EBF1: variants seen among roughly 807,000 people sequenced by gnomAD.
The protein encoded by EBF1 is EBF transcription factor 1.
Under a neutral mutation model 68.4 loss-of-function variants are expected in EBF1, and 10 were observed. The observed-to-expected ratio is 0.15, with a 90% CI of 0.09 to 0.25. The LOEUF is 0.25. EBF1 is among the 10% of genes least tolerant of loss of function. The pLI, the probability that EBF1 is intolerant of heterozygous loss-of-function variation, is 1.00. For synonymous variants in EBF1, 298 were observed against 299.8 expected (o/e 0.99, Z 0.06); for missense variants, 509 against 794.4 (o/e 0.64, Z 4.32).
In EBF1 at chr5:158,998,318, T is replaced by C. The variant is rs369323245; in HGVS notation, c.554+75078A>G. ...TGCAACCTCCTCGACAAGGCTTTCC[T>C]CCACCCTTCTCTAAAACTGCCCCTA... On this transcript the variant is annotated intron_variant, in intron 6 of 15. Transcript: ENST00000313708. 3.6e-3 allele frequency among the ~76,000 whole-genome samples: 553 copies of C among 152,240 alleles called. 3 individuals carry two copies. Among genetic ancestry groups the C allele is most frequent in the African/African-American group, 0.012 (506 of 41,528 alleles).
intron 9 of EBF1, among the ~76,000 whole-genome samples, chr5:158,781,746 T>C (rs1776486294): frequency 6.6e-6 from 1 of 152,182 alleles, no homozygotes; most frequent in Admixed American, 6.6e-5. Context: ...TCTTCTCTGC[T>C]TCTTCTCTTT....
At position 158,777,554 on chromosome 5, in the gene EBF1, T is replaced by A. The variant is rs765287237; in HGVS notation, c.910-15A>T. On this transcript the variant is annotated splice_polypyrimidine_tract_variant and intron_variant, in intron 9 of 15. Transcript: ENST00000313708. ...GGAGTGATCAACTGGAGGAGACATT[T>A]GGGGGGAAAAATTGTCATTGCAATA... 6.3e-7 allele frequency: 1 copy of A among 1,583,762 alleles called. No homozygotes were observed. Among genetic ancestry groups the A allele is most frequent in the Non-Finnish European group, 8.6e-7 (1 of 1,163,826 alleles).
At chr5:159,041,907 T>C (rs1359048829) in intron 6 of EBF1, among the ~76,000 whole-genome samples, 1 of 152,212 alleles carries the variant, frequency 6.6e-6, no homozygotes, top group African/African-American at 2.4e-5. Context: ...ATGACGAGAT[T>C]TAACTACTCA....
chr5:158,896,254 T>G (rs988560450), intron 6 of EBF1, among the ~76,000 whole-genome samples: 59 of 152,336 alleles, frequency 3.9e-4, no homozygotes, highest in African/African-American at 1.4e-3. Flanking sequence ...AATTATCCAC[T>G]GTTGAATAAG....
At chr5:158,750,162 G>A (rs1353432315) in intron 10 of EBF1, among the ~76,000 whole-genome samples, 1 of 152,230 alleles carries the variant, frequency 6.6e-6, no homozygotes, top group East Asian at 1.9e-4. Flanking sequence ...AATCAATTCT[G>A]TAAACAGCAG....
At chr5:159,064,709 AC>A (rs1425355661) in intron 6 of EBF1, among the ~76,000 whole-genome samples, 1 of 152,024 alleles carries the variant, frequency 6.6e-6, no homozygotes, top group Admixed American at 6.6e-5. Flanking sequence ...AGTGTTTAAA[AC>A]CATATTCTGA....
rs566667549 is a variant in EBF1, at chr5:159,097,048, C to T, written c.217G>A (p.Ala73Thr). 2 of 1,613,998 alleles carry T rather than the reference C, an allele frequency of 1.2e-6. No homozygotes were observed. The highest frequency in any genetic ancestry group is 1.7e-6 in the Non-Finnish European group (2 of 1,179,960). ...RKSNFFHFVL[A>T]LYDRQGQPVE... ...GGCTGGCCCTGTCTGTCGTAGAGGG[C>T]CAGGACGAAGTGGAAGAAGTTGGAT... is the stretch of plus-strand genomic sequence containing the variant. The change falls in exon 2 of 16, where the codon GCC (alanine) becomes ACC (threonine). Residue 73 changes from alanine to threonine, a missense_variant. This residue lies in a region of EBF1 where 230 missense variants were observed against 467.7 expected (regional missense o/e 0.49). Transcript: ENST00000313708.
intron 6 of EBF1, among the ~76,000 whole-genome samples, chr5:159,055,008 T>G (rs540713758): frequency 2.6e-5 from 4 of 152,330 alleles, no homozygotes; most frequent in African/African-American, 9.6e-5. Flanking sequence ...CATCTAAAGA[T>G]CTCACCCACT....
At chr5:158,823,067 G>A in intron 8 of EBF1, 109 bp downstream of exon 8, 2 of 1,484,320 alleles carry the variant, frequency 1.3e-6, no homozygotes, top group East Asian at 4.5e-5. Context: ...TATTCAAAAA[G>A]ACTTTTGAAA....
intron 10 of EBF1, among the ~76,000 whole-genome samples, chr5:158,740,110 G>A (rs1251781729): frequency 6.6e-6 from 1 of 152,136 alleles, no homozygotes; most frequent in East Asian, 1.9e-4. Context: ...ACACGCACCA[G>A]GGAAAGTATT....
chr5:158,881,015 G>A (rs1798795449), intron 6 of EBF1, among the ~76,000 whole-genome samples: 2 of 151,832 alleles, frequency 1.3e-5, no homozygotes, highest in African/African-American at 4.8e-5. Context: ...AAGAAGAAGA[G>A]GGGAAAAAAA....
chr5:158,840,645 G>GTTTTTTTTT lies in EBF1; in HGVS notation c.555-544_555-536dup, dbSNP rs534374216. On this transcript the variant is annotated intron_variant, in intron 6 of 15. Transcript: ENST00000313708. ...TCCTTTGACTTCTCAAATACCTCCT[G>GTTTTTTTTT]TTTTTTTTTTTTTTTTTTTTTTTTT... Among the ~76,000 whole-genome samples, 75 of 64,820 alleles carry GTTTTTTTTT rather than the reference G, an allele frequency of 1.2e-3. 11 individuals carry two copies. Among genetic ancestry groups the GTTTTTTTTT allele is most frequent in the Middle Eastern group, 0.013 (1 of 76 alleles). 42.5% of individuals were successfully genotyped at this position (64,820 alleles called of 152,430 possible). A position where few individuals can be genotyped will look rare whatever the true frequency, so the allele number is the denominator to read the frequency against.
At chr5:158,955,368 T>C (rs1413595727) in intron 6 of EBF1, among the ~76,000 whole-genome samples, 1 of 151,804 alleles carries the variant, frequency 6.6e-6, no homozygotes, top group Non-Finnish European at 1.5e-5. Flanking sequence ...AGTAGATGTA[T>C]ATTAGAGGCC....
At chr5:159,079,725 C>T (rs1406608717) in intron 5 of EBF1, among the ~76,000 whole-genome samples, 5 of 151,200 alleles carry the variant, frequency 3.3e-5, no homozygotes, top group African/African-American at 1.2e-4. Flanking sequence ...GATTCTCGTG[C>T]CTCAGCCTCC....
At chr5:158,916,562 G>A (rs1390689296) in intron 6 of EBF1, among the ~76,000 whole-genome samples, 4 of 152,136 alleles carry the variant, frequency 2.6e-5, no homozygotes, top group Non-Finnish European at 5.9e-5. Flanking sequence ...TTTAGTAGGT[G>A]AATAAACTAA....
chr5:158,930,260 G>GT lies in EBF1; in HGVS notation c.555-90151dup, dbSNP rs1007919859. Among the ~76,000 whole-genome samples the GT allele has an allele frequency of 4.9e-3, 488 of 99,018 alleles. 1 individual carries two copies. The highest frequency in any genetic ancestry group is 6.9e-3 in the Non-Finnish European group (283 of 41,120). The allele number at this position is 99,018 out of a possible 152,430, so 65.0% of individuals were successfully genotyped here. On this transcript the variant is annotated intron_variant, in intron 6 of 15. Coordinates refer to ENST00000313708, the MANE Select transcript of EBF1 (RefSeq NM_024007.5). Reference sequence around the variant, plus strand: ...GCTCGAGCTGTTTTCTAGTTTTTTTGTTTTTTTTTTTGTTTGTTTTTTTTT... The same window carrying GT: ...GCTCGAGCTGTTTTCTAGTTTTTTTGTTTTTTTTTTTTGTTTGTTTTTTTTT...
chr5:158,940,778 C>CCCCCCCCCCCCCA, intron 6 of EBF1, among the ~76,000 whole-genome samples: 1 of 54,800 alleles, frequency 1.8e-5, no homozygotes, highest in Admixed American at 1.3e-4. Flanking sequence ...CCCCCCCCCC[C>CCCCCCCCCCCCCA]CGCAGGTCAA....
chr5:158,814,232 A>G (rs1182998917), intron 8 of EBF1, among the ~76,000 whole-genome samples: 1 of 152,160 alleles, frequency 6.6e-6, no homozygotes, highest in Non-Finnish European at 1.5e-5. Context: ...AGTCCCAGCT[A>G]CTTGGGAAGC....
At chr5:159,061,901 TGAG>T (rs1012113324) in intron 6 of EBF1, among the ~76,000 whole-genome samples, 32 of 152,314 alleles carry the variant, frequency 2.1e-4, no homozygotes, top group African/African-American at 7.5e-4. Context: ...CTTTCAATCT[TGAG>T]GAGAGCTTAT....
Sources: gnomAD v4.1 joint callset for allele counts (sites outside exome capture counted in the v4.1 genomes callset) on GRCh38, gnomAD v4.1.1 for gene constraint, gnomAD v4.1.1 regional missense constraint, MANE v1.5 for transcripts, NCBI Gene and HGNC (gene_info 2026-07-23, HGNC 2026-07-21) for gene names.